Variants in F13A1 observed in about 807,000 individuals in gnomAD.
F13A1 encodes the protein FSF, A subunit.
A neutral mutation model predicts 80.1 loss-of-function variants in F13A1; 47 were observed. The observed-to-expected ratio is 0.59, with a 90% CI of 0.46 to 0.75. The LOEUF is 0.75. F13A1 is among the 30% of genes least tolerant of loss of function. The probability of loss-of-function intolerance (pLI) is 0.00; values close to 1 mark genes in which losing one functional copy is unlikely to be tolerated. For synonymous variants in F13A1, 349 were observed against 344.9 expected, an observed-to-expected ratio of 1.01 and a Z score of -0.13; for missense variants, 817 against 930.4, an observed-to-expected ratio of 0.88 and a Z score of 1.59.
At chr6:6,230,569 G>T (rs1264459880) in intron 6 of F13A1, among the ~76,000 whole-genome samples, 1 of 152,106 alleles carries the variant, frequency 6.6e-6, no homozygotes, top group Non-Finnish European at 1.5e-5. Flanking sequence ...GCCCACCACT[G>T]GTTCCTCCCC....
chr6:6,296,261 A>G (rs1372379609), intron 3 of F13A1, among the ~76,000 whole-genome samples: 2 of 151,862 alleles, frequency 1.3e-5, no homozygotes, highest in African/African-American at 4.9e-5. Flanking sequence ...ACTTTAAAGT[A>G]GTTTTTTCCA....
intron 2 of F13A1, among the ~76,000 whole-genome samples, chr6:6,309,844 T>C (rs1017610113): frequency 6.6e-6 from 1 of 152,184 alleles, no homozygotes; most frequent in Non-Finnish European, 1.5e-5. Context: ...ACTGCTCCTC[T>C]GGTACTCCTG....
intron 2 of F13A1, among the ~76,000 whole-genome samples, chr6:6,318,238 C>A (rs1758713985): frequency 6.6e-6 from 1 of 152,194 alleles, no homozygotes; most frequent in Non-Finnish European, 1.5e-5. Flanking sequence ...GAGGCCCTAG[C>A]TAATCCAGCA....
chr6:6,165,175 A>G (rs1294194073), intron 13 of F13A1, among the ~76,000 whole-genome samples: 1 of 152,202 alleles, frequency 6.6e-6, no homozygotes, highest in Non-Finnish European at 1.5e-5. Flanking sequence ...CTACCTCTAA[A>G]TAAGTTTCCT....
intron 13 of F13A1, among the ~76,000 whole-genome samples, chr6:6,157,392 C>T (rs563020585): frequency 1.3e-5 from 2 of 152,080 alleles, no homozygotes; most frequent in African/African-American, 4.8e-5. Context: ...TTCAAAACTA[C>T]CTATACTGTG....
chr6:6,313,434 A>G (rs533731988), intron 2 of F13A1, among the ~76,000 whole-genome samples: 5 of 152,216 alleles, frequency 3.3e-5, no homozygotes, highest in African/African-American at 9.6e-5. Context: ...AAATCTCCGG[A>G]GGAGCAACTG....
intron 7 of F13A1, among the ~76,000 whole-genome samples, chr6:6,222,973 C>A (rs1214326097): frequency 6.6e-6 from 1 of 152,200 alleles, no homozygotes; most frequent in Non-Finnish European, 1.5e-5. Flanking sequence ...CCACGGGCCT[C>A]CCGTTCCCAT....
chr6:6,238,481 C>A (rs1200091099), intron 6 of F13A1, among the ~76,000 whole-genome samples: 1 of 152,024 alleles, frequency 6.6e-6, no homozygotes, highest in Non-Finnish European at 1.5e-5. Flanking sequence ...GTGGAAAGAA[C>A]ATTTACTGGG....
At chr6:6,173,409 CTTTTTTTT>C (rs4053226) in intron 12 of F13A1, among the ~76,000 whole-genome samples, 1 of 78,098 alleles carries the variant, frequency 1.3e-5, no homozygotes, top group Non-Finnish European at 2.6e-5. Flanking sequence ...CCATTCTTTT[CTTTTTTTT>C]TTTTTTTTGA....
At chr6:6,286,932 G>A (rs184565981) in intron 3 of F13A1, among the ~76,000 whole-genome samples, 124 of 152,294 alleles carry the variant, frequency 8.1e-4, no homozygotes, top group Admixed American at 2.7e-3. Flanking sequence ...CTTCCTTAAG[G>A]AATACCATAA....
intron 3 of F13A1, among the ~76,000 whole-genome samples, chr6:6,272,574 TAAG>T (rs1437997485): frequency 2.6e-5 from 4 of 152,158 alleles, no homozygotes; most frequent in Admixed American, 1.3e-4. Flanking sequence ...TACTTAGTAA[TAAG>T]AAGACTTCTG....
intron 6 of F13A1, among the ~76,000 whole-genome samples, chr6:6,240,957 G>A (rs955374029): frequency 4.6e-5 from 7 of 152,048 alleles, no homozygotes; most frequent in African/African-American, 1.7e-4. Context: ...ACTTTACTCT[G>A]TTGGACTACA....
chr6:6,218,481 G>A (rs1431693740), intron 8 of F13A1, among the ~76,000 whole-genome samples: 3 of 152,190 alleles, frequency 2.0e-5, no homozygotes, highest in Non-Finnish European at 2.9e-5. Context: ...CTGGGGACAG[G>A]CGGCCGAAAT....
At chr6:6,239,159 C>T (rs556439187) in intron 6 of F13A1, among the ~76,000 whole-genome samples, 1 of 152,260 alleles carries the variant, frequency 6.6e-6, no homozygotes, top group South Asian at 2.1e-4. Flanking sequence ...CAATAAAATA[C>T]TTCTTAGTAA....
At chr6:6,306,560 G>A (rs1027649241) in intron 2 of F13A1, among the ~76,000 whole-genome samples, 1 of 152,178 alleles carries the variant, frequency 6.6e-6, no homozygotes, top group Non-Finnish European at 1.5e-5. Flanking sequence ...CTGAAAGTGG[G>A]GGTCATCCTA....
intron 2 of F13A1, among the ~76,000 whole-genome samples, chr6:6,316,078 C>CATAT (rs57716665): frequency 1.1e-4 from 4 of 34,934 alleles, no homozygotes; most frequent in Non-Finnish European, 2.1e-4. Flanking sequence ...TGTGTGTGTG[C>CATAT]ATATATATAT....
intron 6 of F13A1, among the ~76,000 whole-genome samples, chr6:6,242,219 G>A (rs1757492464): frequency 6.6e-6 from 1 of 152,138 alleles, no homozygotes; most frequent in African/African-American, 2.4e-5. Context: ...CTTGTACTGT[G>A]TCCTAGAAAA....
chr6:6,246,209 G>A (rs1244161301), intron 6 of F13A1, among the ~76,000 whole-genome samples: 1 of 152,178 alleles, frequency 6.6e-6, no homozygotes, highest in Admixed American at 6.5e-5. Context: ...CAGGATTTGT[G>A]AACGGGAGAG....
intron 2 of F13A1, among the ~76,000 whole-genome samples, chr6:6,313,613 C>T (rs1175715318): frequency 6.6e-6 from 1 of 151,978 alleles, no homozygotes; most frequent in Non-Finnish European, 1.5e-5. Flanking sequence ...ACTGAATTCT[C>T]CATGCAATTT....
Sources: allele counts gnomAD v4.1 joint callset (sites outside exome capture counted in the v4.1 genomes callset), GRCh38; gene constraint gnomAD v4.1.1; transcripts MANE v1.5; gene names NCBI Gene and HGNC (gene_info 2026-07-23, HGNC 2026-07-21).